The following MYO5A variants were observed in gnomAD, a reference collection of about 807,000 sequenced individuals.
MYO5A encodes unconventional myosin-Va.
In MYO5A, 98 loss-of-function variants were observed where a neutral mutation model predicts 249.7. The ratio of observed to expected loss-of-function variants is 0.39; its 90% confidence interval spans 0.33 to 0.46. The LOEUF is 0.46. Among genes scored for constraint, MYO5A ranks in the 20% least tolerant of loss-of-function variants. MYO5A has a pLI of 0.98. For synonymous variants in MYO5A, 778 were observed against 810.6 expected (o/e 0.96, Z 0.68); for missense variants, 1,696 against 2,308.8 (o/e 0.73, Z 5.44).
At chr15:52,461,668 A>T (rs1304591626) in intron 1 of MYO5A, among the ~76,000 whole-genome samples, 2 of 152,156 alleles carry the variant, frequency 1.3e-5, no homozygotes, top group African/African-American at 4.8e-5. Context: ...AACCCCATAA[A>T]AACTGTGTGA....
At chr15:52,468,863 G>A (rs1205290106) in intron 1 of MYO5A, among the ~76,000 whole-genome samples, 1 of 152,092 alleles carries the variant, frequency 6.6e-6, no homozygotes, top group Non-Finnish European at 1.5e-5. Context: ...ATATTTCAGG[G>A]ATGCATACTG....
chr15:52,387,448 C>T (rs2042015571), intron 14 of MYO5A, among the ~76,000 whole-genome samples: 1 of 152,138 alleles, frequency 6.6e-6, no homozygotes, highest in Non-Finnish European at 1.5e-5. Context: ...CATGGCCTCT[C>T]ACCAAGGCAC....
chr15:52,381,873 C>T (rs2041757617), intron 16 of MYO5A, among the ~76,000 whole-genome samples: 1 of 152,016 alleles, frequency 6.6e-6, no homozygotes, highest in South Asian at 2.1e-4. Context: ...TACCAGTTAT[C>T]TCTCTGGGTA....
At chr15:52,483,951 G>A (rs541917214) in intron 1 of MYO5A, among the ~76,000 whole-genome samples, 14 of 152,274 alleles carry the variant, frequency 9.2e-5, no homozygotes, top group Admixed American at 7.2e-4. Context: ...ACTGCAAGCC[G>A]TCCACCTCCC....
rs544333085 is a variant in MYO5A at position 52,393,039 on chromosome 15, C to T, written c.1402-969G>A. Among the ~76,000 whole-genome samples, 9 of 152,270 alleles carry T rather than the reference C, an allele frequency of 5.9e-5. No homozygotes were observed. The South Asian group carries it at 1.7e-3, about 28-fold the overall frequency. On this transcript the variant is annotated intron_variant, in intron 11 of 41. Transcript: ENST00000399233. ...GTGGGAAGGGCAATCCAATCACTGC[C>T]ACAGCTCCTGTTTCAGGGTGCTGCC... is the stretch of plus-strand genomic sequence containing the variant.
chr15:52,499,959 G>C (rs890340296), intron 1 of MYO5A, among the ~76,000 whole-genome samples: 3 of 152,132 alleles, frequency 2.0e-5, no homozygotes, highest in African/African-American at 7.2e-5. Flanking sequence ...AAGGCAGGGG[G>C]ATCGCTTGGG....
intron 31 of MYO5A, 91 bp from the exon 32 acceptor site, chr15:52,340,485 G>C: frequency 9.0e-7 from 1 of 1,113,870 alleles, no homozygotes; most frequent in Admixed American, 1.8e-5. Flanking sequence ...TGCAAGAGTA[G>C]GAAAAGCAGA....
rs748120877 is a variant in MYO5A at position 52,528,789 on chromosome 15, G to C, written c.18C>G (p.Leu6=). The C allele has an allele frequency of 1.2e-4, 177 of 1,499,816 alleles. No homozygotes were observed. Among genetic ancestry groups the C allele is most frequent in the Non-Finnish European group, 2.1e-5 (24 of 1,131,020 alleles). 92.9% of individuals were successfully genotyped at this position (1,499,816 alleles called of 1,614,324 possible). Residue 6 remains leucine, a synonymous_variant, in exon 1 of 42, where the codon CTC becomes CTG. Coordinates refer to ENST00000399233, the MANE Select transcript of MYO5A (RefSeq NM_001382347.1). ...CCGCGGGGTGCCTTACCTTTGTGTA[G>C]AGCTCCGACGCAGCCATGGCGGGCC... The part of the protein sequence containing the change: MAASE[L]YTKFARVWIP...
chr15:52,333,677 T>C (rs2038989259), intron 34 of MYO5A, among the ~76,000 whole-genome samples: 1 of 152,198 alleles, frequency 6.6e-6, no homozygotes, highest in Non-Finnish European at 1.5e-5. Context: ...CTGCCAAAAA[T>C]TATATATGCT....
chr15:52,364,527 A>G, intron 24 of MYO5A, 27 bp downstream of exon 24: 1 of 1,591,478 alleles, frequency 6.3e-7, no homozygotes, highest in Non-Finnish European at 8.5e-7. Flanking sequence ...TTTTTCATTA[A>G]AAAAAAAACA....
At chr15:52,362,452 A>C (rs1025219876) in intron 24 of MYO5A, among the ~76,000 whole-genome samples, 5 of 152,218 alleles carry the variant, frequency 3.3e-5, no homozygotes, top group African/African-American at 1.2e-4. Flanking sequence ...TAAAAGATCA[A>C]GTTTTTTATT....
At chr15:52,326,349 TTATC>T (rs1464400937) in intron 36 of MYO5A, among the ~76,000 whole-genome samples, 1 of 152,240 alleles carries the variant, frequency 6.6e-6, no homozygotes, top group Non-Finnish European at 1.5e-5. Context: ...AACTTATAGT[TTATC>T]TAAGTACAAT....
At chr15:52,365,470 G>A (rs1289713741) in intron 23 of MYO5A, among the ~76,000 whole-genome samples, 2 of 152,216 alleles carry the variant, frequency 1.3e-5, no homozygotes, top group Non-Finnish European at 2.9e-5. Context: ...TCAGCTGTAT[G>A]TCTTAACTCA....
At chr15:52,478,711 G>T (rs903454188) in intron 1 of MYO5A, among the ~76,000 whole-genome samples, 1 of 152,098 alleles carries the variant, frequency 6.6e-6, no homozygotes, top group African/African-American at 2.4e-5. Flanking sequence ...TGAAAAATAC[G>T]TGAGAAGCGT....
chr15:52,318,961 G>A, intron 39 of MYO5A, 99 bp downstream of exon 39: 2 of 1,439,504 alleles, frequency 1.4e-6, no homozygotes, highest in South Asian at 2.4e-5. Context: ...CACCAGACAT[G>A]AGATGCAAGA....
intron 35 of MYO5A, among the ~76,000 whole-genome samples, 186 bp from the exon 36 acceptor site, chr15:52,328,192 T>A (rs2038698702): frequency 6.6e-6 from 1 of 152,192 alleles, no homozygotes; most frequent in Non-Finnish European, 1.5e-5. Flanking sequence ...GTCCATATAA[T>A]GACAACTCCC....
chr15:52,512,520 AT>A (rs936626555), intron 1 of MYO5A, among the ~76,000 whole-genome samples: 1 of 108,620 alleles, frequency 9.2e-6, no homozygotes, highest in Admixed American at 9.6e-5. Context: ...TCGCTAAAAA[AT>A]ATATATATAT....
chr15:52,453,731 T>TA (rs970803227), intron 1 of MYO5A, among the ~76,000 whole-genome samples: 12 of 151,984 alleles, frequency 7.9e-5, no homozygotes, highest in African/African-American at 2.7e-4. Context: ...AGGTTTTTTT[T>TA]AAAAAAATAT....
chr15:52,381,654 A>G (rs1188234236), intron 16 of MYO5A, among the ~76,000 whole-genome samples: 1 of 152,244 alleles, frequency 6.6e-6, no homozygotes, highest in African/African-American at 2.4e-5. Flanking sequence ...CTCTGTAGCC[A>G]TTATATGATT....
Sources: gnomAD v4.1 joint callset for allele counts (sites outside exome capture counted in the v4.1 genomes callset) on GRCh38, gnomAD v4.1.1 for gene constraint, MANE v1.5 for transcripts, NCBI Gene and HGNC (gene_info 2026-07-23, HGNC 2026-07-21) for gene names.